The following PLEKHG4B variants were observed in gnomAD, a reference collection of about 807,000 sequenced individuals.
The protein encoded by PLEKHG4B is pleckstrin homology and RhoGEF domain containing G4B, also known as pleckstrin homology domain-containing family G member 4B.
In PLEKHG4B, 111 loss-of-function variants were observed where a neutral mutation model predicts 121.3. That is an observed-to-expected ratio of 0.92 (90% confidence interval 0.78 to 1.07). The LOEUF (loss-of-function observed/expected upper bound fraction) is 1.07. PLEKHG4B is among the 50% of genes least tolerant of loss of function. The pLI is 0.00. For missense variants in PLEKHG4B, 1,831 were observed against 1,757.8 expected (o/e 1.04, Z -0.74); for synonymous variants, 738 against 725.0 (o/e 1.02, Z -0.29).
chr5:143,280 C>G (rs1261647031), intron 4 of PLEKHG4B, 24 bp downstream of exon 4: 1 of 1,609,166 alleles, frequency 6.2e-7, no homozygotes, highest in Non-Finnish European at 8.5e-7. Context: ...CCAGGCTCTC[C>G]TGTCAGGGCG....
chr5:94,006 A>G (rs2126322330), intron 1 of PLEKHG4B, among the ~76,000 whole-genome samples: 1 of 152,276 alleles, frequency 6.6e-6, no homozygotes, highest in Admixed American at 6.5e-5. Context: ...GCGTTTGAAC[A>G]AAAGTCAGGC....
At chr5:178,977 A>G (rs1736847541) in intron 18 of PLEKHG4B, among the ~76,000 whole-genome samples, 2 of 152,238 alleles carry the variant, frequency 1.3e-5, no homozygotes, top group South Asian at 4.1e-4. Context: ...TGTATTTTTA[A>G]CTTTTATTGT....
rs1176969566 is a variant in PLEKHG4B at position 139,379 on chromosome 5, G to A, written c.244-104G>A. ...GCCCCCGTGAGACCCCTTCCTTGTG[G>A]GAGCTCAGTCACTGACCTTCCCCTG... On this transcript the variant is annotated intron_variant, in intron 2 of 19. Transcript: ENST00000637938. This position sits in a 1 kb window ranked among gnomAD's most constrained non-coding sequence, Gnocchi z 5.0. 1 of 398,384 alleles carries A rather than the reference G, an allele frequency of 2.5e-6. No individual in the cohort carries two copies. The highest frequency in any genetic ancestry group is 4.4e-6 in the Non-Finnish European group (1 of 226,356). The allele number at this position is 398,384 out of a possible 1,614,324, so 24.7% of individuals were successfully genotyped here.
chr5:104,580 G>T (rs1733919909), intron 1 of PLEKHG4B, among the ~76,000 whole-genome samples: 1 of 152,140 alleles, frequency 6.6e-6, no homozygotes. Flanking sequence ...TAATAAAGCT[G>T]ATTTTTTTTA....
chr5:126,991 C>T (rs1261844658), intron 2 of PLEKHG4B, among the ~76,000 whole-genome samples: 2 of 152,174 alleles, frequency 1.3e-5, no homozygotes, highest in Non-Finnish European at 2.9e-5. Flanking sequence ...CTGGCCACCC[C>T]ACCCTAATCT....
intron 2 of PLEKHG4B, among the ~76,000 whole-genome samples, chr5:121,541 G>C (rs1314373726): frequency 6.6e-6 from 1 of 152,126 alleles, no homozygotes; most frequent in Non-Finnish European, 1.5e-5. Flanking sequence ...AAGAAGTATT[G>C]TTAGATTTTT....
At position 182,940 on chromosome 5, in the gene PLEKHG4B, A is replaced by C. The variant is rs1195743290; in HGVS notation, c.*617A>C. The C allele has an allele frequency of 6.4e-6, 1 of 155,190 alleles. No homozygotes were observed. Among genetic ancestry groups the C allele is most frequent in the African/African-American group, 2.4e-5 (1 of 41,460 alleles). 9.6% of individuals were successfully genotyped at this position (155,190 alleles called of 1,614,324 possible). A position where few individuals can be genotyped will look rare whatever the true frequency, so the allele number is the denominator to read the frequency against. On this transcript the variant is annotated 3_prime_UTR_variant, in exon 20 of 20. Coordinates refer to ENST00000637938, the MANE Select transcript of PLEKHG4B (RefSeq NM_052909.5). ...CCAAGGCTGGGAGCAACCTTTGAAA[A>C]GACCAAAGATCAATTCCTGGTACTC...
At chr5:115,337 T>C (rs1734273857) in intron 2 of PLEKHG4B, among the ~76,000 whole-genome samples, 1 of 152,194 alleles carries the variant, frequency 6.6e-6, no homozygotes, top group Non-Finnish European at 1.5e-5. Flanking sequence ...CGTGCTGTCA[T>C]CCAGGCTTTG....
At chr5:123,897 G>A (rs1248361799) in intron 2 of PLEKHG4B, among the ~76,000 whole-genome samples, 2 of 151,582 alleles carry the variant, frequency 1.3e-5, no homozygotes, top group African/African-American at 4.8e-5. Context: ...TGCTAGCTTT[G>A]GGTTTAGTTT....
intron 13 of PLEKHG4B, among the ~76,000 whole-genome samples, chr5:168,853 T>C (rs1736439088): frequency 6.9e-6 from 1 of 145,852 alleles, no homozygotes; most frequent in Admixed American, 6.8e-5. Flanking sequence ...TGCAGTAGAC[T>C]GGAAGATTAT....
chr5:119,193 C>T (rs1375493735), intron 2 of PLEKHG4B, among the ~76,000 whole-genome samples: 1 of 152,064 alleles, frequency 6.6e-6, no homozygotes, highest in Non-Finnish European at 1.5e-5. Flanking sequence ...CTAGGATTGA[C>T]CATTGTCCGT....
chr5:131,118 C>CTTTTTTTTT (rs370839530), intron 2 of PLEKHG4B, among the ~76,000 whole-genome samples: 211 of 148,124 alleles, frequency 1.4e-3, no homozygotes, highest in African/African-American at 2.1e-3. Flanking sequence ...AAGCTGCTTC[C>CTTTTTTTTT]TTTTTTTTTT....
rs111366596 is a variant in PLEKHG4B at position 133,241 on chromosome 5, G to C, written c.244-6242G>C. On this transcript the variant is annotated intron_variant, in intron 2 of 19. Coordinates refer to ENST00000637938, the MANE Select transcript of PLEKHG4B (RefSeq NM_052909.5). ...CTACTGATTTGTGTACATTAATTTT[G>C]TGTCCTGAAACTTTGCTGAATTCAT... 3.0e-3 allele frequency among the ~76,000 whole-genome samples: 463 copies of C among 152,178 alleles called. 1 individual carries two copies. The highest frequency in any genetic ancestry group is 0.01 in the African/African-American group (419 of 41,496).
At chr5:122,473 A>G (rs28548131) in intron 2 of PLEKHG4B, among the ~76,000 whole-genome samples, 28,117 of 151,678 alleles carry the variant, frequency 0.19, 3,563 homozygotes, top group African/African-American at 0.36. Flanking sequence ...GGGCTGGAGT[A>G]CGGTGGTGCG....
intron 1 of PLEKHG4B, among the ~76,000 whole-genome samples, chr5:104,209 A>C (rs1419014011): frequency 1.4e-5 from 2 of 138,594 alleles, no homozygotes; most frequent in African/African-American, 5.6e-5. Flanking sequence ...AGCCAGTCCC[A>C]GCACCGATTC....
intron 1 of PLEKHG4B, among the ~76,000 whole-genome samples, chr5:98,877 C>T: frequency 1.0e-5 from 1 of 96,958 alleles, no homozygotes; most frequent in East Asian, 2.7e-4. Flanking sequence ...TTTTTGGGGA[C>T]CGGGTGTGGT....
chr5:158,990 C>T (rs1162608494), intron 11 of PLEKHG4B, among the ~76,000 whole-genome samples: 1 of 152,170 alleles, frequency 6.6e-6, no homozygotes, highest in Non-Finnish European at 1.5e-5. Context: ...CCAGCAGTCA[C>T]TTTAGTTTCC....
chr5:178,537 A>T (rs1165685646), intron 18 of PLEKHG4B, among the ~76,000 whole-genome samples: 2 of 152,106 alleles, frequency 1.3e-5, no homozygotes, highest in Admixed American at 6.6e-5. Context: ...GCTGCTTATC[A>T]CTTACTAGGA....
At chr5:107,545 G>A (rs1213930683) in intron 1 of PLEKHG4B, among the ~76,000 whole-genome samples, 1 of 152,234 alleles carries the variant, frequency 6.6e-6, no homozygotes, top group Non-Finnish European at 1.5e-5. Flanking sequence ...TTACCCTCAG[G>A]TGCTGCTCAG....
Sources: gnomAD v4.1 joint callset for allele counts (sites outside exome capture counted in the v4.1 genomes callset) on GRCh38, gnomAD v4.1.1 for gene constraint, Gnocchi (gnomAD v3.1) non-coding constraint, MANE v1.5 for transcripts, NCBI Gene and HGNC (gene_info 2026-07-23, HGNC 2026-07-21) for gene names.